C17orf107: variants seen among roughly 807,000 people sequenced by gnomAD.
C17orf107 encodes chromosome 17 open reading frame 107.
In C17orf107, 9 loss-of-function variants were observed where a neutral mutation model predicts 8.9. That is an observed-to-expected ratio of 1.02 (90% CI 0.61 to 1.77). The LOEUF is 1.77. Among genes scored for constraint, C17orf107 ranks in the 40% most tolerant of loss-of-function variants. The probability of loss-of-function intolerance (pLI) is 0.00; values close to 1 mark genes in which losing one functional copy is unlikely to be tolerated. For missense variants in C17orf107, 281 were observed against 249.0 expected (o/e 1.13, Z -0.86); for synonymous variants, 139 against 120.3 (o/e 1.16, Z -1.02).
At position 4,902,804 on chromosome 17, in the gene C17orf107, A is replaced by G. The variant is rs758345435; in HGVS notation, c.*2271A>G. 1 of 1,613,818 alleles carries G rather than the reference A, an allele frequency of 6.2e-7. No homozygotes were observed. The highest frequency in any genetic ancestry group is 8.5e-7 in the Non-Finnish European group (1 of 1,179,982). ...GAAGGAAGGGTCATTGGCAATGAAG[A>G]GGCTGGAGCACCTCTCTCCCCTCTG... On this transcript the variant is annotated 3_prime_UTR_variant, in exon 3 of 3. Transcript: ENST00000381365. This position sits in a 1 kb window ranked among gnomAD's most constrained non-coding sequence, Gnocchi z 4.0.
At position 4,900,434 on chromosome 17, in the gene C17orf107, G is replaced by A. The variant is rs1402743071; in HGVS notation, c.474G>A (p.Arg158=). 5.2e-6 allele frequency: 8 copies of A among 1,550,946 alleles called. No individual in the cohort carries two copies. The highest frequency in any genetic ancestry group is 6.1e-6 in the Non-Finnish European group (7 of 1,146,894). The change falls in exon 3 of 3, where the codon CGG becomes CGA. Residue 158 remains arginine (R), a synonymous_variant. Coordinates refer to ENST00000381365, the MANE Select transcript of C17orf107 (RefSeq NM_001145536.2). ...VQGAWLCLCG[R]GLQGSASFLR... ...GAGCATGGCTATGCCTGTGTGGACG[G>A]GGTCTGCAGGGGTCTGCCTCATTCC...
chr17:4,902,916 T>C lies in C17orf107; in HGVS notation c.*2383T>C. The C allele has an allele frequency of 1.3e-6, 2 of 1,585,538 alleles. No homozygotes were observed. Among genetic ancestry groups the C allele is most frequent in the Non-Finnish European group, 1.7e-6 (2 of 1,154,544 alleles). On this transcript the variant is annotated 3_prime_UTR_variant, in exon 3 of 3. Coordinates refer to ENST00000381365, the MANE Select transcript of C17orf107 (RefSeq NM_001145536.2). This position sits in a 1 kb window ranked among gnomAD's most constrained non-coding sequence, Gnocchi z 4.0. ...AATTATGCTGTGCCTGGGAACGAAA[T>C]ACTGTGTCTAAGTCTCCATCTTGGT...
Position 4,899,599 on chromosome 17 carries a change from G to C in C17orf107, c.-164G>C, listed in dbSNP as rs771664527. ...ATAAGGAACCTGAGGAGCCCGGAAG[G>C]CATGACATCACCGTTCCTCCTCCCA... On this transcript the variant is annotated 5_prime_UTR_variant, in exon 1 of 3. Coordinates refer to ENST00000381365, the MANE Select transcript of C17orf107 (RefSeq NM_001145536.2). The C allele has an allele frequency of 1.3e-6, 2 of 1,538,402 alleles. No individual in the cohort carries two copies. Among genetic ancestry groups the C allele is most frequent in the Non-Finnish European group, 1.8e-6 (2 of 1,130,964 alleles).
chr17:4,904,006 T>TCC (rs1970055950), downstream of C17orf107, among the ~76,000 whole-genome samples: 2 of 152,184 alleles, frequency 1.3e-5, no homozygotes, highest in African/African-American at 4.8e-5. Context: ...TACAGGCGCA[T>TCC]GCCACCATGC....
chr17:4,903,865 A>AAAG (rs1970052908), downstream of C17orf107, among the ~76,000 whole-genome samples: 1 of 152,104 alleles, frequency 6.6e-6, no homozygotes, highest in Non-Finnish European at 1.5e-5. Flanking sequence ...CTTTTTAAAA[A>AAAG]AAATTTTTTT....
At chr17:4,905,082 T>C (rs368024436), downstream of C17orf107, among the ~76,000 whole-genome samples, 4 of 152,336 alleles carry the variant, frequency 2.6e-5, no homozygotes, top group East Asian at 1.9e-4. Flanking sequence ...ACCTACAAAG[T>C]TCCCCCTTAC....
chr17:4,900,880 A>AT lies in C17orf107; in HGVS notation c.*348dup, dbSNP rs2151097082. 1.2e-6 allele frequency: 2 copies of AT among 1,614,162 alleles called. No homozygotes were observed. The highest frequency in any genetic ancestry group is 1.7e-6 in the Non-Finnish European group (2 of 1,179,994). On this transcript the variant is annotated 3_prime_UTR_variant, in exon 3 of 3. Coordinates refer to ENST00000381365, the MANE Select transcript of C17orf107 (RefSeq NM_001145536.2). The stretch of plus-strand genomic sequence containing the variant: ...GACGGTCTGGGCGAGCAGGACGTTG[A>AT]TGGAGACCGTGCATTTCTGGCCGCC...
At position 4,899,732 on chromosome 17, in the gene C17orf107, C is replaced by G; in HGVS notation, c.-31C>G. ...ACACGACGACAGACGCGTCCCCCAG[C>G]CCTTCTCCTGTCCTACCACTTGTGG... On this transcript the variant is annotated 5_prime_UTR_variant, in exon 1 of 3. Coordinates refer to ENST00000381365, the MANE Select transcript of C17orf107 (RefSeq NM_001145536.2). The G allele has an allele frequency of 2.6e-6, 4 of 1,543,346 alleles. No individual in the cohort carries two copies. The highest frequency in any genetic ancestry group is 1.2e-5 in the South Asian group (1 of 83,876).
chr17:4,906,574 G>T (rs1970094857), downstream of C17orf107, among the ~76,000 whole-genome samples: 1 of 152,044 alleles, frequency 6.6e-6, no homozygotes, highest in Admixed American at 6.6e-5. Context: ...TGCCAAACAG[G>T]TATAAGAAAA....
downstream of C17orf107, among the ~76,000 whole-genome samples, chr17:4,905,809 C>T (rs1022870758): frequency 1.3e-5 from 2 of 150,128 alleles, no homozygotes; most frequent in African/African-American, 4.9e-5. Context: ...TGCAGTGAGC[C>T]GAGATCGTGC....
intron 1 of C17orf107, 35 bp downstream of exon 1, chr17:4,899,863 A>C: frequency 6.5e-7 from 1 of 1,549,358 alleles, no homozygotes; most frequent in Non-Finnish European, 8.7e-7. Flanking sequence ...GCACCTCGAG[A>C]CCTTCTGGGT....
chr17:4,903,318 C>T (rs1970043783), downstream of C17orf107, among the ~76,000 whole-genome samples: 1 of 152,064 alleles, frequency 6.6e-6, no homozygotes, highest in African/African-American at 2.4e-5. Context: ...TCCCCAGCCA[C>T]AGATGTGGGC....
chr17:4,900,287 G>T lies in C17orf107; in HGVS notation c.327G>T (p.Ala109=), dbSNP rs771251219. ...QQEARRLDGS[A]GPAPDGRDPG... is the part of the protein sequence containing the mutation. ...AGGCGCGGCGACTAGACGGCAGCGC[G>T]GGCCCAGCCCCAGACGGCAGGGATC... The change falls in exon 3 of 3, where the codon GCG becomes GCT. Residue 109 remains alanine, a synonymous_variant. Coordinates refer to ENST00000381365, the MANE Select transcript of C17orf107 (RefSeq NM_001145536.2). 2.9e-5 allele frequency: 45 copies of T among 1,545,320 alleles called. No homozygotes were observed. Among genetic ancestry groups the T allele is most frequent in the Middle Eastern group, 3.4e-4 (2 of 5,928 alleles).
At chr17:4,905,594 T>A (rs139210976), downstream of C17orf107, among the ~76,000 whole-genome samples, 1 of 151,786 alleles carries the variant, frequency 6.6e-6, no homozygotes, top group East Asian at 1.9e-4. Flanking sequence ...ATGCGGTGGC[T>A]CAACACCTGT....
rs750784391 is a variant in C17orf107, at chr17:4,901,954, G to T, written c.*1421G>T. 1.9e-6 allele frequency: 3 copies of T among 1,613,596 alleles called. No homozygotes were observed. In the South Asian group the frequency reaches 3.3e-5, roughly 18 times the overall value. ...CACCGGAAAATAAGCGAACAGTTCT[G>T]CCAATCGAAGGGGAAGTAGGTGACC... On this transcript the variant is annotated 3_prime_UTR_variant, in exon 3 of 3. Transcript: ENST00000381365.
At chr17:4,899,886 C>G (rs1023519124) in intron 1 of C17orf107, 50 bp from the exon 2 acceptor site, 5 of 1,547,874 alleles carry the variant, frequency 3.2e-6, no homozygotes, top group Non-Finnish European at 4.4e-6. Context: ...GTCTCCTGTT[C>G]GCCCCTGTGA....
chr17:4,902,937 T>C (rs1463644682), downstream of C17orf107: 2 of 1,598,388 alleles, frequency 1.3e-6, no homozygotes, highest in African/African-American at 1.3e-5. The surrounding 1 kb of genome is among the most constrained non-coding windows in gnomAD (Gnocchi z 4.0). Flanking sequence ...AGTCTCCATC[T>C]TGGTCTCTGT....
downstream of C17orf107, chr17:4,903,137 G>A (rs959045535): frequency 2.0e-6 from 3 of 1,467,000 alleles, no homozygotes; most frequent in East Asian, 4.6e-5. Context: ...GCCTGTGTGA[G>A]GGGGAGGAGG....
downstream of C17orf107, among the ~76,000 whole-genome samples, chr17:4,905,301 C>T (rs1451848489): frequency 2.6e-5 from 4 of 152,178 alleles, no homozygotes; most frequent in Non-Finnish European, 5.9e-5. Flanking sequence ...GTAATCCTAA[C>T]TATTTGGGAG....
Sources: allele counts gnomAD v4.1 joint callset (sites outside exome capture counted in the v4.1 genomes callset), GRCh38; gene constraint gnomAD v4.1.1; non-coding constraint Gnocchi (gnomAD v3.1); transcripts MANE v1.5; gene names NCBI Gene and HGNC (gene_info 2026-07-23, HGNC 2026-07-21).